Variants in SHANK1 observed in about 807,000 individuals in gnomAD.
SHANK1 encodes the protein SH3 and multiple ankyrin repeat domains 1.
In SHANK1, 35 loss-of-function variants were observed where a neutral mutation model predicts 165.6. The ratio of observed to expected loss-of-function variants is 0.21; its 90% CI spans 0.16 to 0.28. The LOEUF (loss-of-function observed/expected upper bound fraction) is 0.28. Among genes scored for constraint, SHANK1 ranks in the 10% least tolerant of loss-of-function variants. The pLI is 1.00. For missense variants in SHANK1, 2,681 were observed against 3,036.4 expected, an observed-to-expected ratio of 0.88 and a Z score of 2.75; for synonymous variants, 1,428 against 1,384.8, an observed-to-expected ratio of 1.03 and a Z score of -0.69.
In SHANK1 at chr19:50,667,523, G is replaced by T; in HGVS notation, c.4437C>A (p.Ser1479=). 6.6e-7 allele frequency: 1 copy of T among 1,509,464 alleles called. No homozygotes were observed. Among genetic ancestry groups the T allele is most frequent in the Non-Finnish European group, 8.7e-7 (1 of 1,143,032 alleles). 93.5% of individuals were successfully genotyped at this position (1,509,464 alleles called of 1,614,324 possible). A position where few individuals can be genotyped will look rare whatever the true frequency, so the allele number is the denominator to read the frequency against. Reference sequence around the variant, plus strand: ...GCCGCTCGGGTTCTTCGGGGGCTGCGGACCTCCAGGGCTTGCTTACTCCGG... The same window carrying T: ...GCCGCTCGGGTTCTTCGGGGGCTGCTGACCTCCAGGGCTTGCTTACTCCGG... ...PHPGVSKPWR[S]AAPEEPERLP... Residue 1479 remains serine (S), a synonymous_variant, in exon 23 of 24, where the codon TCC becomes TCA. Transcript: ENST00000293441. This position sits in a 1 kb window ranked among gnomAD's most constrained non-coding sequence, Gnocchi z 5.7.
At position 50,666,935 on chromosome 19, in the gene SHANK1, G is replaced by A. The variant is rs1191323956; in HGVS notation, c.5025C>T (p.Ile1675=). The A allele has an allele frequency of 3.1e-6, 5 of 1,601,550 alleles. No homozygotes were observed. Among genetic ancestry groups the A allele is most frequent in the Admixed American group, 1.7e-5 (1 of 59,110 alleles). ...TGCTGCTCCGACTGTCCACCTCCTC[G>A]ATGCCAGAATCCGTGCCAGGCGGAG... ...PDPPPGTDSG[I]EEVDSRSSSD... The change falls in exon 23 of 24, where the codon ATC becomes ATT. Residue 1675 remains isoleucine, a synonymous_variant. Coordinates refer to ENST00000293441, the MANE Select transcript of SHANK1 (RefSeq NM_016148.5).
At chr19:50,679,835 AAG>A (rs1417163149) in intron 21 of SHANK1, among the ~76,000 whole-genome samples, 1 of 151,374 alleles carries the variant, frequency 6.6e-6, no homozygotes, top group Non-Finnish European at 1.5e-5. Context: ...GAGACAGAAA[AAG>A]AGAGACAGAG....
rs1461340322 is a variant in SHANK1, at chr19:50,697,658, C to T, written c.1868G>A (p.Arg623His). ...NRSQESKQESRSDKAKRLFRH... is the reference protein window; with the variant it reads ...NRSQESKQESHSDKAKRLFRH... ...GAAGAGTCTCTTTGCCTTGTCACTG[C>T]GGCTTTCTGCAGGGTGACAACAGAC... Residue 623 changes from arginine to histidine, a missense_variant, in exon 14 of 24, where the codon CGC becomes CAC. Physicochemically the swap from Arg to His is conservative, Grantham distance 29. Around this residue, in one of 10 missense-constraint regions of SHANK1, gnomAD observed 147 missense variants for 256.5 expected, o/e 0.57. Coordinates refer to ENST00000293441, the MANE Select transcript of SHANK1 (RefSeq NM_016148.5). The surrounding 1 kb of genome is among the most constrained non-coding windows in gnomAD (Gnocchi z 4.7). 12 of 1,613,760 alleles carry T rather than the reference C, an allele frequency of 7.4e-6. No individual in the cohort carries two copies. The highest frequency in any genetic ancestry group is 3.3e-5 in the South Asian group (3 of 91,064).
rs755259005 is a variant in SHANK1, at chr19:50,668,680, C to T, written c.3280G>A (p.Ala1094Thr). 3.1e-5 allele frequency: 41 copies of T among 1,317,794 alleles called. 1 individual carries two copies. The South Asian group carries it at 8.3e-4, about 27-fold the overall frequency. The allele number at this position is 1,317,794 out of a possible 1,614,324, so 81.6% of individuals were successfully genotyped here. ...YFQLPPRAASAAMYVPARSGR... is the reference protein window; with the variant it reads ...YFQLPPRAASTAMYVPARSGR... ...GAGCGGGCGGGCACGTACATGGCTGCGCTGGCCGCCCGCGGGGGCAGCTGG... is the reference window on the plus strand; with the variant it reads ...GAGCGGGCGGGCACGTACATGGCTGTGCTGGCCGCCCGCGGGGGCAGCTGG... Residue 1094 changes from alanine (A) to threonine (T), a missense_variant, in exon 23 of 24, where the codon GCA becomes ACA. Physicochemically the swap from Ala to Thr is moderately conservative, Grantham distance 58 (BLOSUM62 0). This residue lies in a region of SHANK1 where 1,713 missense variants were observed against 1,630.2 expected (regional missense o/e 1.05). Coordinates refer to ENST00000293441, the MANE Select transcript of SHANK1 (RefSeq NM_016148.5).
chr19:50,691,854 C>CT (rs57133907), intron 15 of SHANK1, among the ~76,000 whole-genome samples: 18,369 of 151,106 alleles, frequency 0.12, 1,160 homozygotes, highest in African/African-American at 0.18. Context: ...TTAAAAAAAT[C>CT]TTTTTTTTTG....
rs745511368 is a variant in SHANK1 at position 50,688,832 on chromosome 19, G to T, written c.2172+12C>A. ...CACAGGGTCCCAGGGAAGAGAGGGG[G>T]CCTGGACTGACCTCGATGAGGAAGT... On this transcript the variant is annotated intron_variant, in intron 17 of 23. Transcript: ENST00000293441. This position sits in a 1 kb window ranked among gnomAD's most constrained non-coding sequence, Gnocchi z 6.7. 1.2e-6 allele frequency: 2 copies of T among 1,607,454 alleles called. No individual in the cohort carries two copies. The highest frequency in any genetic ancestry group is 1.7e-6 in the Non-Finnish European group (2 of 1,176,896).
intron 10 of SHANK1, 74 bp downstream of exon 10, chr19:50,704,046 C>T (rs1462676704): frequency 1.3e-6 from 2 of 1,487,420 alleles, no homozygotes; most frequent in Non-Finnish European, 1.9e-6. Flanking sequence ...GTCAGGTCCC[C>T]CAACTCCCCC....
intron 3 of SHANK1, 49 bp from the exon 4 acceptor site, chr19:50,715,779 G>C (rs1313158626): frequency 6.4e-7 from 1 of 1,552,982 alleles, no homozygotes; most frequent in African/African-American, 1.4e-5. Context: ...CTTGGAATCA[G>C]GGGCCTGGGG....
intron 21 of SHANK1, among the ~76,000 whole-genome samples, chr19:50,675,982 C>G (rs1287870724): frequency 6.6e-6 from 1 of 151,984 alleles, no homozygotes; most frequent in East Asian, 1.9e-4. Flanking sequence ...GGTGACAGAG[C>G]AAGACTTCAT....
intron 23 of SHANK1, chr19:50,663,168 T>C (rs988384845): frequency 5.6e-6 from 1 of 178,412 alleles, no homozygotes; most frequent in African/African-American, 2.4e-5. Context: ...CACTATTCTA[T>C]ACTGCCTTTC....
intron 15 of SHANK1, among the ~76,000 whole-genome samples, chr19:50,696,717 C>T (rs148097549): frequency 0.017 from 2,628 of 152,166 alleles, 41 homozygotes; most frequent in Non-Finnish European, 0.024. Context: ...CGAGTACACA[C>T]GCACAGTGAC....
chr19:50,698,503 G>A (rs992613088), intron 12 of SHANK1, among the ~76,000 whole-genome samples: 5 of 152,036 alleles, frequency 3.3e-5, no homozygotes, highest in African/African-American at 7.3e-5. Flanking sequence ...TAATGGAAGC[G>A]GCTTCCCCCT....
Position 50,670,335 on chromosome 19 carries a change from T to C in SHANK1, c.2675-1050A>G, listed in dbSNP as rs2123090072. 6.6e-6 allele frequency among the ~76,000 whole-genome samples: 1 copy of C among 152,280 alleles called. No homozygotes were observed. Among genetic ancestry groups the C allele is most frequent in the Non-Finnish European group, 1.5e-5 (1 of 68,024 alleles). On this transcript the variant is annotated intron_variant, in intron 22 of 23. Transcript: ENST00000293441. The surrounding 1 kb of genome is among the most constrained non-coding windows in gnomAD (Gnocchi z 4.1). ...CTGTTGTTTCAAAACATATCCGGAA[T>C]CCAATCCCTTCTCACCCCTCCAGAG... is the stretch of plus-strand genomic sequence containing the variant.
At chr19:50,693,718 G>A (rs1307972204) in intron 15 of SHANK1, among the ~76,000 whole-genome samples, 1 of 152,074 alleles carries the variant, frequency 6.6e-6, no homozygotes, top group East Asian at 1.9e-4. Flanking sequence ...ACAGAGGGAC[G>A]CCAGCCCCCC....
intron 15 of SHANK1, among the ~76,000 whole-genome samples, chr19:50,692,170 C>T (rs1050962738): frequency 1.3e-5 from 2 of 152,098 alleles, no homozygotes; most frequent in Non-Finnish European, 2.9e-5. Flanking sequence ...TCGGAATCCA[C>T]CCTGAGCTCG....
At position 50,662,417 on chromosome 19, in the gene SHANK1, T is replaced by C; in HGVS notation, c.6034A>G (p.Ser2012Gly). 2 of 1,564,142 alleles carry C rather than the reference T, an allele frequency of 1.3e-6. No individual in the cohort carries two copies. Among genetic ancestry groups the C allele is most frequent in the South Asian group, 2.4e-5 (2 of 82,516 alleles). ...SLLPASEHKV[S>G]PAPRPSSLPI... ...AGGGACGAGGGCCTGGGCGCAGGGC[T>C]GACCTTGTGCTCCGAGGCGGGCAGC... The change falls in exon 24 of 24, where the codon AGC becomes GGC. Residue 2012 changes from serine (S) to glycine (G), a missense_variant. Ser to Gly is a moderately conservative substitution (Grantham distance 56). Around this residue, in one of 10 missense-constraint regions of SHANK1, gnomAD observed 1,713 missense variants for 1,630.2 expected, o/e 1.05. Coordinates refer to ENST00000293441, the MANE Select transcript of SHANK1 (RefSeq NM_016148.5). The surrounding 1 kb of genome is among the most constrained non-coding windows in gnomAD (Gnocchi z 7.7).
At chr19:50,711,648 G>C (rs1221747474) in intron 7 of SHANK1, among the ~76,000 whole-genome samples, 161 bp from the exon 8 acceptor site, 1 of 152,196 alleles carries the variant, frequency 6.6e-6, no homozygotes, top group Non-Finnish European at 1.5e-5. Flanking sequence ...TGGGACCCAG[G>C]CTGTCAGCCT....
Position 50,690,920 on chromosome 19 carries a change from C to A in SHANK1, c.1965-1641G>T, listed in dbSNP as rs1024331540. Reference sequence around the variant, plus strand: ...CCCCCATGGCTCCCCTTGTAAAAATCCATACATTTGCACCATGGCGACAGG... The same window carrying A: ...CCCCCATGGCTCCCCTTGTAAAAATACATACATTTGCACCATGGCGACAGG... On this transcript the variant is annotated intron_variant, in intron 15 of 23. Transcript: ENST00000293441. This position sits in a 1 kb window ranked among gnomAD's most constrained non-coding sequence, Gnocchi z 4.9. Among the ~76,000 whole-genome samples the A allele has an allele frequency of 2.0e-5, 3 of 152,132 alleles. No individual in the cohort carries two copies. The highest frequency in any genetic ancestry group is 2.9e-5 in the Non-Finnish European group (2 of 68,022).
At position 50,672,142 on chromosome 19, in the gene SHANK1, G is replaced by C. The variant is rs183949895; in HGVS notation, c.2578-28C>G. On this transcript the variant is annotated intron_variant, in intron 21 of 23. Transcript: ENST00000293441. ...TTGGAGCGGCAGTCAGAGGGGGAGA[G>C]AGAGAAAAGATAGAGAGAGATCAGT... 1.9e-6 allele frequency: 3 copies of C among 1,559,958 alleles called. No individual in the cohort carries two copies. The East Asian group carries it at 6.7e-5, about 35-fold the overall frequency.
Sources: allele counts gnomAD v4.1 joint callset (sites outside exome capture counted in the v4.1 genomes callset), GRCh38; gene constraint gnomAD v4.1.1; regional missense constraint gnomAD v4.1.1; non-coding constraint Gnocchi (gnomAD v3.1); transcripts MANE v1.5; gene names NCBI Gene and HGNC (gene_info 2026-07-23, HGNC 2026-07-21).